DISC1: variants seen among roughly 807,000 people sequenced by gnomAD.
DISC1 encodes the protein disrupted in schizophrenia 1 protein.
DISC1 carries 57 observed loss-of-function variants against 84.5 expected under a neutral mutation model. The observed-to-expected ratio is 0.67, with a 90% confidence interval of 0.55 to 0.84. The LOEUF (loss-of-function observed/expected upper bound fraction) is 0.84, where lower values mean the gene tolerates loss of function less well. Among genes scored for constraint, DISC1 ranks in the 40% least tolerant of loss-of-function variants. The pLI is 0.00. For missense variants in DISC1, 1,000 were observed against 1,057.8 expected (o/e 0.95, Z 0.76); for synonymous variants, 411 against 415.2 (o/e 0.99, Z 0.12).
At chr1:231,870,121 C>T (rs2085352068) in intron 9 of DISC1, among the ~76,000 whole-genome samples, 1 of 152,068 alleles carries the variant, frequency 6.6e-6, no homozygotes, top group Admixed American at 6.5e-5. Flanking sequence ...GTGAGGAAGG[C>T]TCAGAAGATG....
chr1:231,945,039 CAG>C (rs1656876197), intron 9 of DISC1: 1 of 152,108 alleles, frequency 6.6e-6, no homozygotes, highest in Admixed American at 6.5e-5. Context: ...ATCAACGAGA[CAG>C]AAAATTAACA....
At chr1:231,835,912 G>C (rs1008801112) in intron 9 of DISC1, among the ~76,000 whole-genome samples, 1 of 152,176 alleles carries the variant, frequency 6.6e-6, no homozygotes, top group Non-Finnish European at 1.5e-5. Context: ...AACATAGACC[G>C]ATCTTTCTGA....
At chr1:232,034,244 T>C (rs1208548706) in intron 12 of DISC1, among the ~76,000 whole-genome samples, 1 of 152,238 alleles carries the variant, frequency 6.6e-6, no homozygotes, top group Non-Finnish European at 1.5e-5. Flanking sequence ...ACATCTGTTA[T>C]ATTAAGAAAT....
chr1:231,761,636 A>G (rs139429203), intron 4 of DISC1, among the ~76,000 whole-genome samples: 4 of 152,330 alleles, frequency 2.6e-5, no homozygotes, highest in Admixed American at 6.5e-5. Flanking sequence ...CTAATTTTCA[A>G]TTCTGTGTTG....
intron 7 of DISC1, among the ~76,000 whole-genome samples, chr1:231,798,955 C>G (rs1341740764): frequency 6.6e-6 from 1 of 151,946 alleles, no homozygotes; most frequent in Admixed American, 6.6e-5. Context: ...TCCCACAAAC[C>G]TTAGATTCTT....
intron 3 of DISC1, 38 bp from the exon 4 acceptor site, chr1:231,749,888 G>A: frequency 3.1e-6 from 5 of 1,614,004 alleles, no homozygotes; most frequent in Non-Finnish European, 4.2e-6. Context: ...GCATTTCATG[G>A]TTCTTTTTTC....
At chr1:231,918,232 T>G (rs573884361) in intron 9 of DISC1, among the ~76,000 whole-genome samples, 4 of 152,356 alleles carry the variant, frequency 2.6e-5, no homozygotes, top group African/African-American at 9.6e-5. Flanking sequence ...GCAAGCAGTG[T>G]TTCTCTCTGT....
intron 3 of DISC1, among the ~76,000 whole-genome samples, chr1:231,706,565 G>T (rs1285473082): frequency 6.6e-6 from 1 of 152,166 alleles, no homozygotes; most frequent in African/African-American, 2.4e-5. Flanking sequence ...GCATTTCAGT[G>T]ACTTATATCA....
intron 9 of DISC1, among the ~76,000 whole-genome samples, chr1:231,839,677 T>A (rs1182609214): frequency 6.6e-6 from 1 of 152,202 alleles, no homozygotes; most frequent in African/African-American, 2.4e-5. Context: ...TGAGACAGGG[T>A]AATTTGTAAA....
intron 6 of DISC1, among the ~76,000 whole-genome samples, chr1:231,778,579 T>G (rs187362242): frequency 1.4e-4 from 21 of 152,222 alleles, no homozygotes; most frequent in Admixed American, 1.2e-3. Flanking sequence ...GCTCAGAGCT[T>G]AGACCTCGCC....
In DISC1 at chr1:231,675,803, T is replaced by C. The variant is rs548585306; in HGVS notation, c.68-18023T>C. Among the ~76,000 whole-genome samples the C allele has an allele frequency of 5.9e-5, 9 of 152,304 alleles. No individual in the cohort carries two copies. The East Asian group carries it at 1.5e-3, about 26-fold the overall frequency. On this transcript the variant is annotated intron_variant, in intron 1 of 12. Transcript: ENST00000439617. This position sits in a 1 kb window ranked among gnomAD's most constrained non-coding sequence, Gnocchi z 4.1. Reference sequence around the variant, plus strand: ...TTCCTCCATGAGCTCCATTTTTCTGTTCCAAATAGCTCTAGTCTGCTGGTA... The same window carrying C: ...TTCCTCCATGAGCTCCATTTTTCTGCTCCAAATAGCTCTAGTCTGCTGGTA...
intron 9 of DISC1, among the ~76,000 whole-genome samples, chr1:231,928,203 A>G (rs1462391665): frequency 6.6e-6 from 1 of 152,258 alleles, no homozygotes; most frequent in Non-Finnish European, 1.5e-5. Flanking sequence ...GCTCTCAGCT[A>G]TTAAAACTGG....
chr1:231,831,857 G>GT lies in DISC1; in HGVS notation c.1981+13340_1981+13341insT, dbSNP rs1491076880. On this transcript the variant is annotated intron_variant, in intron 9 of 12. Transcript: ENST00000439617. ...GGCTTTCTGAGAGGTAGTGGGGGGG[G>GT]GTGGGCAGAGTGGTAGCCTTGATGA... Among the ~76,000 whole-genome samples the GT allele has an allele frequency of 6.0e-5, 9 of 149,216 alleles. No individual in the cohort carries two copies. The South Asian group carries it at 1.9e-3, about 32-fold the overall frequency.
At chr1:232,025,550 T>C (rs895020284) in intron 11 of DISC1, among the ~76,000 whole-genome samples, 6 of 151,870 alleles carry the variant, frequency 4.0e-5, no homozygotes, top group Non-Finnish European at 7.4e-5. Flanking sequence ...CCAGATACTA[T>C]GCCAGGGGCT....
chr1:231,722,836 G>A (rs756240993), intron 3 of DISC1: 108 of 1,426,706 alleles, frequency 7.6e-5, no homozygotes, highest in Middle Eastern at 2.6e-4. Flanking sequence ...CCACTGTACC[G>A]TTTCTCCCAT....
intron 9 of DISC1, among the ~76,000 whole-genome samples, chr1:231,885,632 T>C (rs1367998598): frequency 6.6e-6 from 1 of 152,224 alleles, no homozygotes; most frequent in Non-Finnish European, 1.5e-5. Context: ...TCTGGGATTA[T>C]GTCTGTGGTT....
At chr1:232,020,240 G>T (rs1455794419) in intron 11 of DISC1, among the ~76,000 whole-genome samples, 2 of 152,110 alleles carry the variant, frequency 1.3e-5, no homozygotes, top group African/African-American at 2.4e-5. Flanking sequence ...TACTCGGGAG[G>T]CTGAGGCAGG....
In DISC1 at chr1:231,723,290, G is replaced by A. The variant is rs533243662; in HGVS notation, c.1117+21266G>A. 1,346 of 985,758 alleles carry A rather than the reference G, an allele frequency of 1.4e-3. 3 individuals are homozygous for A. Among genetic ancestry groups the A allele is most frequent in the South Asian group, 2.7e-3 (58 of 21,312 alleles). 61.1% of individuals were successfully genotyped at this position (985,758 alleles called of 1,614,324 possible). A position where few individuals can be genotyped will look rare whatever the true frequency, so the allele number is the denominator to read the frequency against. ...TGAGTAGACTCACATGTTAAAACCC[G>A]TGTTGTTCAAGGGTCAACCATAACT... On this transcript the variant is annotated intron_variant, in intron 3 of 12. Coordinates refer to ENST00000439617, the MANE Select transcript of DISC1 (RefSeq NM_018662.3).
intron 3 of DISC1, among the ~76,000 whole-genome samples, chr1:231,738,261 T>A (rs1003212094): frequency 6.6e-6 from 1 of 152,200 alleles, no homozygotes; most frequent in African/African-American, 2.4e-5. Context: ...TCTTCTCCAG[T>A]CTACAGACTC....
Sources: allele counts gnomAD v4.1 joint callset (sites outside exome capture counted in the v4.1 genomes callset), GRCh38; gene constraint gnomAD v4.1.1; non-coding constraint Gnocchi (gnomAD v3.1); transcripts MANE v1.5; gene names NCBI Gene and HGNC (gene_info 2026-07-23, HGNC 2026-07-21).